The following SLC10A7 variants were observed in gnomAD, a reference collection of about 807,000 sequenced individuals.
SLC10A7 encodes solute carrier family 10 member 7, also known as sodium/bile acid cotransporter 7.
SLC10A7 carries 29 observed loss-of-function variants against 43.2 expected under a neutral mutation model. That is an observed-to-expected ratio of 0.67 (90% CI 0.50 to 0.92). SLC10A7 has a LOEUF of 0.92. Ranked by LOEUF, SLC10A7 falls within the 40% of genes least tolerant of loss-of-function variation. SLC10A7 has a pLI of 0.00. For synonymous variants in SLC10A7, 152 were observed against 144.8 expected, an observed-to-expected ratio of 1.05 and a Z score of -0.35; for missense variants, 295 against 403.2, an observed-to-expected ratio of 0.73 and a Z score of 2.30.
At chr4:146,434,427 A>C (rs1388184120) in intron 5 of SLC10A7, among the ~76,000 whole-genome samples, 1 of 152,252 alleles carries the variant, frequency 6.6e-6, no homozygotes, top group Non-Finnish European at 1.5e-5. Flanking sequence ...GATAAATTGC[A>C]CTTTCAAAAC....
chr4:146,334,452 T>C (rs1236939773), intron 5 of SLC10A7, among the ~76,000 whole-genome samples: 1 of 152,092 alleles, frequency 6.6e-6, no homozygotes, highest in Non-Finnish European at 1.5e-5. Context: ...TTTGGACAAG[T>C]CTTTCCAGAA....
intron 5 of SLC10A7, among the ~76,000 whole-genome samples, chr4:146,327,782 G>A (rs1280345121): frequency 6.6e-6 from 1 of 152,204 alleles, no homozygotes; most frequent in Non-Finnish European, 1.5e-5. Flanking sequence ...CATTGTCCAG[G>A]GGCCTGAGGA....
chr4:146,290,758 G>T (rs1421933279), intron 9 of SLC10A7, among the ~76,000 whole-genome samples: 2 of 152,082 alleles, frequency 1.3e-5, no homozygotes, highest in African/African-American at 4.8e-5. Context: ...AACTCAGGAG[G>T]CTGAGGTAAG....
At chr4:146,405,296 G>A (rs1054309685) in intron 5 of SLC10A7, among the ~76,000 whole-genome samples, 1 of 152,102 alleles carries the variant, frequency 6.6e-6, no homozygotes, top group Non-Finnish European at 1.5e-5. Context: ...CTAGGCCAAA[G>A]AGTCCTAATC....
At chr4:146,311,754 A>G (rs1405176186) in intron 6 of SLC10A7, among the ~76,000 whole-genome samples, 1 of 152,102 alleles carries the variant, frequency 6.6e-6, no homozygotes, top group Non-Finnish European at 1.5e-5. Context: ...CCCTGGGGAA[A>G]GGGAAAGGGA....
chr4:146,283,397 C>A, intron 9 of SLC10A7, 132 bp from the exon 10 acceptor site: 1 of 684,266 alleles, frequency 1.5e-6, no homozygotes. Context: ...AATTCTACAC[C>A]CAAATGTACA....
At chr4:146,416,680 A>T (rs1728589520) in intron 5 of SLC10A7, among the ~76,000 whole-genome samples, 2 of 152,222 alleles carry the variant, frequency 1.3e-5, no homozygotes, top group South Asian at 4.1e-4. Flanking sequence ...ATACTCTACT[A>T]GAAAAGAACT....
intron 6 of SLC10A7, among the ~76,000 whole-genome samples, chr4:146,324,259 T>G (rs1249419668): frequency 6.6e-6 from 1 of 152,232 alleles, no homozygotes; most frequent in Non-Finnish European, 1.5e-5. Context: ...CAAGGTAATT[T>G]GTAGATTCAA....
At chr4:146,410,303 C>T (rs1728097188) in intron 5 of SLC10A7, among the ~76,000 whole-genome samples, 1 of 152,094 alleles carries the variant, frequency 6.6e-6, no homozygotes, top group Non-Finnish European at 1.5e-5. Flanking sequence ...AACTCTTCCC[C>T]AAATCTCAAA....
rs2110952381 is a variant in SLC10A7 at position 146,254,926 on chromosome 4, T to C, written c.*1565A>G. On this transcript the variant is annotated 3_prime_UTR_variant, in exon 12 of 12. Coordinates refer to ENST00000335472, the MANE Select transcript of SLC10A7 (RefSeq NM_001029998.6). ...CTGGCATTAGCCTTAAAATTCACACTGAGAATAACTCTTATGAAATTTATT... is the reference window on the plus strand; with the variant it reads ...CTGGCATTAGCCTTAAAATTCACACCGAGAATAACTCTTATGAAATTTATT... The C allele has an allele frequency of 6.6e-6, 1 of 152,348 alleles. No individual in the cohort carries two copies. Among genetic ancestry groups the C allele is most frequent in the South Asian group, 2.1e-4 (1 of 4,832 alleles). 9.4% of individuals were successfully genotyped at this position (152,348 alleles called of 1,614,324 possible). A position where few individuals can be genotyped will look rare whatever the true frequency, so the allele number is the denominator to read the frequency against.
At chr4:146,407,140 G>A (rs1175207716) in intron 5 of SLC10A7, among the ~76,000 whole-genome samples, 1 of 152,160 alleles carries the variant, frequency 6.6e-6, no homozygotes, top group Non-Finnish European at 1.5e-5. Flanking sequence ...TAGAAGTCAA[G>A]CTATGGCAAG....
rs1195952384 is a variant in SLC10A7 at position 146,450,446 on chromosome 4, C to G, written c.397-7625G>C. On this transcript the variant is annotated intron_variant, in intron 4 of 11. Coordinates refer to ENST00000335472, the MANE Select transcript of SLC10A7 (RefSeq NM_001029998.6). ...CCTGGAGAGTCCTAGAACCAATACC[C>G]CACAGATACCATGGGACAATTGCAT... 3.3e-5 allele frequency among the ~76,000 whole-genome samples: 5 copies of G among 152,174 alleles called. No individual in the cohort carries two copies. The East Asian group carries it at 9.7e-4, about 29-fold the overall frequency.
intron 5 of SLC10A7, among the ~76,000 whole-genome samples, chr4:146,437,133 A>G (rs1029987961): frequency 2.6e-5 from 4 of 152,002 alleles, no homozygotes; most frequent in African/African-American, 9.7e-5. Context: ...ATGGACTCTG[A>G]GTATATGTGT....
chr4:146,491,082 A>C (rs1480320081), intron 4 of SLC10A7, among the ~76,000 whole-genome samples: 1 of 152,240 alleles, frequency 6.6e-6, no homozygotes, highest in Non-Finnish European at 1.5e-5. Context: ...GGAAGAAAAG[A>C]CTAATTCTGA....
chr4:146,256,391 A>C lies in SLC10A7; in HGVS notation c.*100T>G. ...TCATATTTTTGTGTAAAAAAATAAAATATGCATTGAGGCAACATTCACAAG... is the reference window on the plus strand; with the variant it reads ...TCATATTTTTGTGTAAAAAAATAAACTATGCATTGAGGCAACATTCACAAG... On this transcript the variant is annotated 3_prime_UTR_variant, in exon 12 of 12. Transcript: ENST00000335472. 1 of 1,119,828 alleles carries C rather than the reference A, an allele frequency of 8.9e-7. No individual in the cohort carries two copies. The highest frequency in any genetic ancestry group is 1.3e-6 in the Non-Finnish European group (1 of 752,670). The allele number at this position is 1,119,828 out of a possible 1,614,324, so 69.4% of individuals were successfully genotyped here.
chr4:146,317,274 CAAAACATTCA>C (rs1287015915), intron 6 of SLC10A7, among the ~76,000 whole-genome samples: 1 of 152,038 alleles, frequency 6.6e-6, no homozygotes, highest in Non-Finnish European at 1.5e-5. Flanking sequence ...CACTTTCATT[CAAAACATTCA>C]AAAACATTCA....
chr4:146,357,776 C>T (rs1303570559), intron 5 of SLC10A7, among the ~76,000 whole-genome samples: 1 of 152,034 alleles, frequency 6.6e-6, no homozygotes, highest in African/African-American at 2.4e-5. Flanking sequence ...GAAAGAGTAC[C>T]CGGAAGTGAG....
chr4:146,442,381 C>T, intron 5 of SLC10A7: 1 of 1,004,230 alleles, frequency 1.0e-6, no homozygotes, highest in Non-Finnish European at 1.2e-6. Context: ...AAATAAATGG[C>T]ATGTCAACAA....
At chr4:146,309,942 C>A (rs2149686512) in intron 6 of SLC10A7, among the ~76,000 whole-genome samples, 1 of 152,222 alleles carries the variant, frequency 6.6e-6, no homozygotes, top group East Asian at 1.9e-4. Flanking sequence ...TAGTACCCAA[C>A]AGTTAGGTTT....
Sources: allele counts gnomAD v4.1 joint callset (sites outside exome capture counted in the v4.1 genomes callset), GRCh38; gene constraint gnomAD v4.1.1; transcripts MANE v1.5; gene names NCBI Gene and HGNC (gene_info 2026-07-23, HGNC 2026-07-21).